LYPLAL1: variants seen among roughly 807,000 people sequenced by gnomAD.
LYPLAL1 encodes the protein lysophospholipase-like protein 1.
LYPLAL1 carries 23 observed loss-of-function variants against 19.7 expected under a neutral mutation model. The observed-to-expected ratio is 1.17, with a 90% CI of 0.84 to 1.65. The LOEUF (loss-of-function observed/expected upper bound fraction) is 1.65. Among genes scored for constraint, LYPLAL1 ranks in the 40% most tolerant of loss-of-function variants. LYPLAL1 has a pLI of 0.00. For missense variants in LYPLAL1, 355 were observed against 279.4 expected, an observed-to-expected ratio of 1.27 and a Z score of -1.93; for synonymous variants, 119 against 96.3, an observed-to-expected ratio of 1.24 and a Z score of -1.38.
chr1:219,343,524 G>A, the LYPLAL1 span, among the ~76,000 whole-genome samples: 9 of 152,032 alleles, frequency 5.9e-5, no homozygotes, highest in Admixed American at 1.3e-4. Flanking sequence ...CTAAATTTAT[G>A]GTAATAGCTC....
chr1:219,291,697 G>C, the LYPLAL1 span, among the ~76,000 whole-genome samples: 1 of 151,970 alleles, frequency 6.6e-6, no homozygotes, highest in Non-Finnish European at 1.5e-5. Flanking sequence ...TAGGTGCCAA[G>C]TTAGGCCAAG....
the LYPLAL1 span, among the ~76,000 whole-genome samples, chr1:219,325,885 T>C: frequency 6.6e-6 from 1 of 152,110 alleles, no homozygotes; most frequent in Admixed American, 6.5e-5. Flanking sequence ...AATGACACAA[T>C]CCTAAAGGTA....
chr1:219,207,459 T>A (rs1392117562), intron 3 of LYPLAL1, among the ~76,000 whole-genome samples: 2 of 152,022 alleles, frequency 1.3e-5, no homozygotes, highest in African/African-American at 4.8e-5. Context: ...TTTTGTAGGT[T>A]TTTTTAAGCT....
the LYPLAL1 span, among the ~76,000 whole-genome samples, chr1:219,426,397 GA>G: frequency 1.1e-4 from 17 of 151,914 alleles, no homozygotes; most frequent in African/African-American, 3.1e-4. Context: ...AGTTTCATAG[GA>G]AAAAAAATTG....
the LYPLAL1 span, among the ~76,000 whole-genome samples, chr1:219,426,452 TA>T: frequency 6.6e-6 from 1 of 152,212 alleles, no homozygotes; most frequent in East Asian, 1.9e-4. Flanking sequence ...TTTAAAGTAC[TA>T]GCTGTTGCCA....
At position 219,211,738 on chromosome 1, in the gene LYPLAL1, G is replaced by C. The variant is rs776306471; in HGVS notation, c.*10G>C. 4 of 1,556,338 alleles carry C rather than the reference G, an allele frequency of 2.6e-6. No individual in the cohort carries two copies. Among genetic ancestry groups the C allele is most frequent in the Non-Finnish European group, 3.5e-6 (4 of 1,139,334 alleles). ...GGAAAAACAAAAATGAATGAATCAA[G>C]AGTGATTTGTTAATGTAAGTGTAAT... On this transcript the variant is annotated 3_prime_UTR_variant, in exon 5 of 5. Coordinates refer to ENST00000366928, the MANE Select transcript of LYPLAL1 (RefSeq NM_138794.5).
the LYPLAL1 span, chr1:219,223,330 A>G: frequency 6.6e-6 from 1 of 152,122 alleles, no homozygotes; most frequent in Non-Finnish European, 1.5e-5. Flanking sequence ...AGTAAACCAT[A>G]CAATTTGATC....
the LYPLAL1 span, among the ~76,000 whole-genome samples, chr1:219,383,827 T>A: frequency 6.6e-6 from 1 of 152,212 alleles, no homozygotes; most frequent in Non-Finnish European, 1.5e-5. Flanking sequence ...CAACGTGAGC[T>A]TGATTTAGAA....
chr1:219,231,693 A>T, the LYPLAL1 span, among the ~76,000 whole-genome samples: 1 of 152,070 alleles, frequency 6.6e-6, no homozygotes, highest in African/African-American at 2.4e-5. Context: ...TGGCAAAAAC[A>T]CTCCCTGGGG....
chr1:219,418,185 C>G, the LYPLAL1 span, among the ~76,000 whole-genome samples: 1 of 152,278 alleles, frequency 6.6e-6, no homozygotes, highest in Non-Finnish European at 1.5e-5. Flanking sequence ...AAAAAGTTAT[C>G]CTGCCATTTT....
chr1:219,308,379 C>T, the LYPLAL1 span, among the ~76,000 whole-genome samples: 1 of 152,152 alleles, frequency 6.6e-6, no homozygotes, highest in Non-Finnish European at 1.5e-5. Flanking sequence ...CAAGCTGGCT[C>T]CAGATATTTG....
At chr1:219,433,637 G>A in the LYPLAL1 span, among the ~76,000 whole-genome samples, 4 of 152,166 alleles carry the variant, frequency 2.6e-5, no homozygotes, top group Non-Finnish European at 5.9e-5. Context: ...AGTATCACAA[G>A]GCAGGGCCAT....
At chr1:219,256,927 C>A in the LYPLAL1 span, among the ~76,000 whole-genome samples, 1 of 152,010 alleles carries the variant, frequency 6.6e-6, no homozygotes, top group Non-Finnish European at 1.5e-5. Flanking sequence ...AAATAATACA[C>A]TCCATGATTT....
chr1:219,439,990 T>TACAC, the LYPLAL1 span, among the ~76,000 whole-genome samples: 1 of 120,284 alleles, frequency 8.3e-6, no homozygotes, highest in Non-Finnish European at 1.6e-5. Context: ...TATATATATA[T>TACAC]ACACACATAT....
chr1:219,396,375 C>T, the LYPLAL1 span, among the ~76,000 whole-genome samples: 8 of 152,060 alleles, frequency 5.3e-5, no homozygotes, highest in Non-Finnish European at 1.0e-4. Context: ...TGTGATGCCT[C>T]CAGTTTTGTT....
At chr1:219,222,641 A>G in the LYPLAL1 span, 4 of 152,128 alleles carry the variant, frequency 2.6e-5, no homozygotes, top group African/African-American at 9.7e-5. Context: ...CTGTCTAGCA[A>G]CTTGCTTGGT....
At chr1:219,375,736 A>ATTC in the LYPLAL1 span, among the ~76,000 whole-genome samples, 1 of 134,514 alleles carries the variant, frequency 7.4e-6, no homozygotes, top group Middle Eastern at 3.7e-3. Context: ...ATGCTTCCTG[A>ATTC]TTTTTTTTTT....
At chr1:219,279,102 T>C in the LYPLAL1 span, among the ~76,000 whole-genome samples, 1 of 152,062 alleles carries the variant, frequency 6.6e-6, no homozygotes, top group Admixed American at 6.5e-5. Flanking sequence ...CCCAATGCAG[T>C]CTGGAAAAAA....
the LYPLAL1 span, among the ~76,000 whole-genome samples, chr1:219,444,236 A>G: frequency 6.6e-6 from 1 of 152,204 alleles, no homozygotes; most frequent in Non-Finnish European, 1.5e-5. Context: ...TACATCAAAC[A>G]CTTGTCACAT....
Sources: gnomAD v4.1 joint callset for allele counts (sites outside exome capture counted in the v4.1 genomes callset) on GRCh38, gnomAD v4.1.1 for gene constraint, MANE v1.5 for transcripts, NCBI Gene and HGNC (gene_info 2026-07-23, HGNC 2026-07-21) for gene names.